The following PCTP variants were observed in gnomAD, a reference collection of about 807,000 sequenced individuals.
The protein encoded by PCTP is START domain-containing protein 2.
In PCTP, 27 loss-of-function variants were observed where a neutral mutation model predicts 31.0. The ratio of observed to expected loss-of-function variants is 0.87; its 90% CI spans 0.64 to 1.20. The LOEUF (loss-of-function observed/expected upper bound fraction) is 1.20, where lower values mean the gene tolerates loss of function less well. Among genes scored for constraint, PCTP ranks in the 50% most tolerant of loss-of-function variants. PCTP has a pLI of 0.00. For missense variants in PCTP, 287 were observed against 268.2 expected (o/e 1.07, Z -0.49); for synonymous variants, 108 against 101.2 (o/e 1.07, Z -0.40).
chr17:55,793,869 T>C (rs1912090536), intron 3 of PCTP, among the ~76,000 whole-genome samples: 1 of 152,060 alleles, frequency 6.6e-6, no homozygotes, highest in Admixed American at 6.6e-5. Context: ...GCCTTAGAAG[T>C]TATATCAATC....
chr17:55,816,736 C>T (rs546769792), intron 3 of PCTP, among the ~76,000 whole-genome samples: 1 of 152,210 alleles, frequency 6.6e-6, no homozygotes, highest in Non-Finnish European at 1.5e-5. Flanking sequence ...CTGGAGTTCT[C>T]TTATAAGTTG....
chr17:55,840,958 T>C (rs1292631910), intron 5 of PCTP, among the ~76,000 whole-genome samples: 1 of 152,176 alleles, frequency 6.6e-6, no homozygotes, highest in South Asian at 2.1e-4. Flanking sequence ...GAGTTTCGGA[T>C]AAGGGATACT....
chr17:55,839,525 A>G (rs892729659), intron 5 of PCTP, among the ~76,000 whole-genome samples: 1 of 152,196 alleles, frequency 6.6e-6, no homozygotes, highest in Non-Finnish European at 1.5e-5. Context: ...ATAGGTTTTT[A>G]AAGTTTCTCC....
chr17:55,765,495 C>T (rs1458771017), intron 1 of PCTP, among the ~76,000 whole-genome samples: 2 of 152,112 alleles, frequency 1.3e-5, no homozygotes, highest in South Asian at 2.1e-4. Flanking sequence ...TTTTACTTTA[C>T]CTCCAAAATA....
chr17:55,790,259 T>C (rs1264098663), intron 3 of PCTP, among the ~76,000 whole-genome samples: 2 of 152,084 alleles, frequency 1.3e-5, no homozygotes, highest in African/African-American at 4.8e-5. Context: ...AGGAATGCCC[T>C]CTCTCACCAC....
chr17:55,767,475 T>C, intron 2 of PCTP, 23 bp downstream of exon 2: 3 of 1,492,202 alleles, frequency 2.0e-6, no homozygotes, highest in Non-Finnish European at 2.8e-6. Context: ...TGCTTTTCTT[T>C]TTTTTTTAGA....
chr17:55,832,948 T>G (rs969584874), intron 5 of PCTP, among the ~76,000 whole-genome samples: 1 of 152,190 alleles, frequency 6.6e-6, no homozygotes, highest in Non-Finnish European at 1.5e-5. Flanking sequence ...AAAGAGACCA[T>G]CCTTCTCCTC....
chr17:55,802,050 C>T (rs889008851), intron 3 of PCTP, among the ~76,000 whole-genome samples: 1 of 152,184 alleles, frequency 6.6e-6, no homozygotes, highest in Non-Finnish European at 1.5e-5. Flanking sequence ...ACTGATCCCA[C>T]AGAAATACAA....
chr17:55,840,412 ATTT>A (rs1009330673), intron 5 of PCTP, among the ~76,000 whole-genome samples: 2 of 152,246 alleles, frequency 1.3e-5, no homozygotes, highest in African/African-American at 4.8e-5. Context: ...CATAAACAGT[ATTT>A]TACATCCATG....
At chr17:55,819,010 C>CAAA (rs56823756) in intron 3 of PCTP, among the ~76,000 whole-genome samples, 9 of 51,112 alleles carry the variant, frequency 1.8e-4, no homozygotes, top group Non-Finnish European at 2.2e-4. Context: ...GGAAAGAAAT[C>CAAA]AAAAAAAAAA....
At chr17:55,751,530 T>C (rs2144893802) in intron 1 of PCTP, 3 of 1,455,630 alleles carry the variant, frequency 2.1e-6, no homozygotes, top group East Asian at 3.0e-5. Flanking sequence ...GAAACGTGGG[T>C]CAGCTGGTTC....
chr17:55,828,384 G>A (rs1905476574), intron 5 of PCTP, among the ~76,000 whole-genome samples: 1 of 152,166 alleles, frequency 6.6e-6, no homozygotes, highest in Non-Finnish European at 1.5e-5. Flanking sequence ...TCCAGTTTCT[G>A]CCTGCACAGA....
downstream of PCTP, among the ~76,000 whole-genome samples, chr17:55,826,112 T>A (rs1905387172): frequency 6.6e-6 from 1 of 152,212 alleles, no homozygotes; most frequent in Non-Finnish European, 1.5e-5. Flanking sequence ...GAACCCAGTG[T>A]ACCTGGTCTC....
intron 5 of PCTP, among the ~76,000 whole-genome samples, chr17:55,836,835 A>T (rs1041432178): frequency 1.3e-5 from 2 of 152,208 alleles, no homozygotes; most frequent in Non-Finnish European, 2.9e-5. Context: ...AGTGACTAAT[A>T]ATAAGCCAAA....
chr17:55,851,811 A>C, the PCTP span, among the ~76,000 whole-genome samples: 1 of 152,334 alleles, frequency 6.6e-6, no homozygotes, highest in Admixed American at 6.5e-5. Context: ...AAAAACCTTA[A>C]TATTCTGCCA....
In PCTP at chr17:55,774,479, T is replaced by C. The variant is rs370965106; in HGVS notation, c.512-313T>C. On this transcript the variant is annotated intron_variant, in intron 4 of 5. Coordinates refer to ENST00000268896, the MANE Select transcript of PCTP (RefSeq NM_021213.4). The stretch of plus-strand genomic sequence containing the variant: ...TTTTATGAGTATCTGTTTCATCAGT[T>C]ATAAAATGGGATTAATTTTACCATC... Among the ~76,000 whole-genome samples the C allele has an allele frequency of 1.4e-4, 21 of 152,344 alleles. 2 individuals carry two copies. The highest frequency in any genetic ancestry group is 9.1e-4 in the Admixed American group (14 of 15,310).
rs1030549896 is a variant in PCTP, at chr17:55,839,673, C to G, written n.506-3054C>G. ...CGGTGGCTCACGCCTGTAATCCCAGCACTTTGGGAGGCCGAGGCGGGCGGA... is the reference window on the plus strand; with the variant it reads ...CGGTGGCTCACGCCTGTAATCCCAGGACTTTGGGAGGCCGAGGCGGGCGGA... On this transcript the variant is annotated intron_variant and non_coding_transcript_variant, in intron 5 of 5. Transcript: ENST00000576221. Among the ~76,000 whole-genome samples the G allele has an allele frequency of 4.6e-5, 7 of 152,136 alleles. No homozygotes were observed. In the Middle Eastern group the frequency reaches 0.01, roughly 222 times the overall value.
intron 2 of PCTP, among the ~76,000 whole-genome samples, chr17:55,784,327 C>T (rs925894384): frequency 3.3e-5 from 5 of 152,144 alleles, no homozygotes; most frequent in African/African-American, 9.7e-5. Context: ...GACCTTCCCC[C>T]AATGGCTCCA....
intron 3 of PCTP, among the ~76,000 whole-genome samples, chr17:55,814,446 A>G (rs1598013255): frequency 6.6e-6 from 1 of 152,238 alleles, no homozygotes; most frequent in Non-Finnish European, 1.5e-5. Flanking sequence ...GCAGACACTG[A>G]GCAGCTGCTC....
Sources: allele counts gnomAD v4.1 joint callset (sites outside exome capture counted in the v4.1 genomes callset), GRCh38; gene constraint gnomAD v4.1.1; transcripts MANE v1.5; gene names NCBI Gene and HGNC (gene_info 2026-07-23, HGNC 2026-07-21).